MRPL1: variants seen among roughly 807,000 people sequenced by gnomAD.
MRPL1 encodes the protein large ribosomal subunit protein uL1m.
In MRPL1, 28 loss-of-function variants were observed where a neutral mutation model predicts 38.0. The observed-to-expected ratio is 0.74, with a 90% confidence interval of 0.55 to 1.01. The LOEUF (loss-of-function observed/expected upper bound fraction) is 1.01, where lower values mean the gene tolerates loss of function less well. Ranked by LOEUF, MRPL1 falls within the 50% of genes least tolerant of loss-of-function variation. MRPL1 has a pLI of 0.00. For missense variants in MRPL1, 358 were observed against 389.8 expected (o/e 0.92, Z 0.69); for synonymous variants, 123 against 126.7 (o/e 0.97, Z 0.20).
At chr4:77,883,165 T>G in intron 2 of MRPL1, 77 bp from the exon 3 acceptor site, 1 of 965,704 alleles carries the variant, frequency 1.0e-6, no homozygotes, top group Non-Finnish European at 1.5e-6. Context: ...TTTTTTCTCT[T>G]ATGTACACTG....
chr4:77,909,405 CTT>C (rs931671423), intron 7 of MRPL1, 33 bp downstream of exon 7: 2 of 1,287,724 alleles, frequency 1.6e-6, no homozygotes, highest in Non-Finnish European at 2.2e-6. Flanking sequence ...AAATAATCCT[CTT>C]TTTTTGTTGT....
intron 1 of MRPL1, among the ~76,000 whole-genome samples, chr4:77,863,738 A>G (rs1171666468): frequency 1.3e-5 from 2 of 152,262 alleles, no homozygotes; most frequent in East Asian, 3.9e-4. Flanking sequence ...AAGTGCTGGG[A>G]TTACAGGCGT....
At chr4:77,903,009 T>C (rs1429362153) in intron 6 of MRPL1, among the ~76,000 whole-genome samples, 1 of 152,178 alleles carries the variant, frequency 6.6e-6, no homozygotes, top group Non-Finnish European at 1.5e-5. Context: ...TTTTATGAGC[T>C]CTGCATTACC....
chr4:77,888,776 G>T (rs375484560), intron 5 of MRPL1, among the ~76,000 whole-genome samples: 3 of 151,808 alleles, frequency 2.0e-5, no homozygotes, highest in African/African-American at 4.8e-5. Context: ...GGTTTGTTAC[G>T]TATGTATATA....
chr4:77,919,480 A>G (rs1383899814), intron 7 of MRPL1, among the ~76,000 whole-genome samples: 2 of 133,682 alleles, frequency 1.5e-5, no homozygotes, highest in African/African-American at 6.5e-5. Context: ...CTTTCCTTTC[A>G]CTTTTGTTAA....
At chr4:77,942,172 T>A (rs1200718197) in intron 7 of MRPL1, among the ~76,000 whole-genome samples, 1 of 152,178 alleles carries the variant, frequency 6.6e-6, no homozygotes, top group Non-Finnish European at 1.5e-5. Context: ...TTCTACGGTT[T>A]TGAGGGTTCC....
chr4:77,951,705 T>C (rs1448222378), intron 8 of MRPL1, among the ~76,000 whole-genome samples: 1 of 152,230 alleles, frequency 6.6e-6, no homozygotes, highest in East Asian at 1.9e-4. Context: ...CATGTTCTCC[T>C]CATGTCTGCA....
At chr4:77,900,748 T>G (rs1736013501) in intron 6 of MRPL1, among the ~76,000 whole-genome samples, 1 of 152,186 alleles carries the variant, frequency 6.6e-6, no homozygotes, top group Admixed American at 6.5e-5. Flanking sequence ...ATTGAAAACT[T>G]TAGCTCAGAA....
intron 2 of MRPL1, among the ~76,000 whole-genome samples, chr4:77,876,759 C>T (rs1487571218): frequency 6.6e-6 from 1 of 152,110 alleles, no homozygotes; most frequent in African/African-American, 2.4e-5. Context: ...GTCCTTTTGG[C>T]TCTCCCCTCT....
chr4:77,883,532 G>A, intron 3 of MRPL1, 32 bp downstream of exon 3: 1 of 1,535,180 alleles, frequency 6.5e-7, no homozygotes, highest in Non-Finnish European at 8.8e-7. Flanking sequence ...AAGTTTACCT[G>A]TGAACAGTGG....
intron 2 of MRPL1, among the ~76,000 whole-genome samples, chr4:77,876,948 T>C (rs1735409035): frequency 6.6e-6 from 1 of 152,244 alleles, no homozygotes; most frequent in Admixed American, 6.5e-5. Flanking sequence ...TTGCCCAGGC[T>C]GGAATGCAAT....
At chr4:77,908,303 G>A in intron 6 of MRPL1, 1 of 165,238 alleles carries the variant, frequency 6.1e-6, no homozygotes, top group Non-Finnish European at 1.3e-5. Flanking sequence ...CACAATCTCA[G>A]CTCACTGCAA....
chr4:77,895,547 T>G (rs192577188), intron 6 of MRPL1, among the ~76,000 whole-genome samples: 17 of 152,250 alleles, frequency 1.1e-4, no homozygotes, highest in Admixed American at 1.0e-3. Context: ...AATAAAATTT[T>G]GTAGTGTAAA....
At chr4:77,916,088 G>T (rs1736417515) in intron 7 of MRPL1, among the ~76,000 whole-genome samples, 1 of 152,078 alleles carries the variant, frequency 6.6e-6, no homozygotes. Flanking sequence ...ACATAGAAAT[G>T]AAACTAAGGC....
intron 7 of MRPL1, among the ~76,000 whole-genome samples, chr4:77,928,928 A>G (rs969347377): frequency 5.9e-5 from 9 of 152,246 alleles, no homozygotes; most frequent in Non-Finnish European, 1.3e-4. Flanking sequence ...ATAATAGCAT[A>G]AGAAAAACCA....
At chr4:77,902,506 G>GA (rs1316151192) in intron 6 of MRPL1, among the ~76,000 whole-genome samples, 2 of 150,636 alleles carry the variant, frequency 1.3e-5, no homozygotes, top group African/African-American at 4.9e-5. Context: ...GTACAAGGAA[G>GA]AAAAAATAAT....
At chr4:77,912,507 G>A (rs1337176270) in intron 7 of MRPL1, among the ~76,000 whole-genome samples, 1 of 152,014 alleles carries the variant, frequency 6.6e-6, no homozygotes, top group South Asian at 2.1e-4. Flanking sequence ...ACAAAGATGT[G>A]GAAGATCCAT....
chr4:77,907,238 A>G, intron 6 of MRPL1: 1 of 910,576 alleles, frequency 1.1e-6, no homozygotes, highest in Middle Eastern at 5.7e-4. Flanking sequence ...GGAATATACC[A>G]TATTTTTGTT....
chr4:77,939,086 A>T (rs903157026), intron 7 of MRPL1, among the ~76,000 whole-genome samples: 1 of 152,026 alleles, frequency 6.6e-6, no homozygotes, highest in African/African-American at 2.4e-5. Context: ...CTTTCCCTTG[A>T]TTCCCCAAAG....
Sources: gnomAD v4.1 joint callset for allele counts (sites outside exome capture counted in the v4.1 genomes callset) on GRCh38, gnomAD v4.1.1 for gene constraint, MANE v1.5 for transcripts, NCBI Gene and HGNC (gene_info 2026-07-23, HGNC 2026-07-21) for gene names.